Variants in APOL4 observed in about 807,000 individuals in gnomAD.
APOL4 encodes the protein apolipoprotein L4, also known as apolipoprotein L, 4.
A neutral mutation model predicts 12.1 loss-of-function variants in APOL4; 14 were observed. That is an observed-to-expected ratio of 1.16 (90% CI 0.76 to 1.81). The LOEUF (loss-of-function observed/expected upper bound fraction) is 1.81. APOL4 is among the 40% of genes most tolerant of loss of function. The probability of loss-of-function intolerance (pLI) is 0.00; values close to 1 mark genes in which losing one functional copy is unlikely to be tolerated. For missense variants in APOL4, 432 were observed against 423.1 expected (o/e 1.02, Z -0.18); for synonymous variants, 171 against 160.6 (o/e 1.06, Z -0.49).
intron 3 of APOL4, 30 bp from the exon 4 acceptor site, chr22:36,191,942 A>G: frequency 6.5e-7 from 1 of 1,527,610 alleles, no homozygotes; most frequent in Non-Finnish European, 8.8e-7. Context: ...ATGATTAAGA[A>G]AGGCAGCTTA....
At chr22:36,200,547 C>T (rs1354745691) in intron 1 of APOL4, among the ~76,000 whole-genome samples, 1 of 152,250 alleles carries the variant, frequency 6.6e-6, no homozygotes, top group Non-Finnish European at 1.5e-5. Flanking sequence ...CTGTCCTCCC[C>T]TAGCTGATGG....
chr22:36,203,127 T>C (rs2014633635), upstream of APOL4, among the ~76,000 whole-genome samples: 1 of 152,210 alleles, frequency 6.6e-6, no homozygotes, highest in African/African-American at 2.4e-5. Flanking sequence ...CTCACTCCCC[T>C]GTCTCAGCCA....
intron 3 of APOL4, 121 bp from the exon 4 acceptor site, chr22:36,192,033 T>A: frequency 1.0e-6 from 1 of 991,048 alleles, no homozygotes; most frequent in East Asian, 2.5e-5. Context: ...GAAGTAAAGT[T>A]CTAAAAGATA....
intron 2 of APOL4, 151 bp downstream of exon 2, chr22:36,199,179 G>C (rs752030916): frequency 1.2e-4 from 133 of 1,085,466 alleles, no homozygotes; most frequent in Non-Finnish European, 1.7e-4. Flanking sequence ...CCTCTCTTGG[G>C]GCTTGGGGCA....
chr22:36,204,703 C>A, upstream of APOL4: 1 of 491,144 alleles, frequency 2.0e-6, no homozygotes, highest in Non-Finnish European at 3.4e-6. Context: ...TCCAGCTGTG[C>A]ACCTATATAA....
chr22:36,201,002 G>A (rs2014555074), intron 1 of APOL4, among the ~76,000 whole-genome samples: 1 of 152,166 alleles, frequency 6.6e-6, no homozygotes, highest in Non-Finnish European at 1.5e-5. Flanking sequence ...ACAACTGAGG[G>A]TATAAGAAAG....
chr22:36,198,371 C>T (rs1290857108), intron 2 of APOL4, among the ~76,000 whole-genome samples: 1 of 152,202 alleles, frequency 6.6e-6, no homozygotes. Flanking sequence ...CATATTCACC[C>T]GATAAACACT....
intron 1 of APOL4, among the ~76,000 whole-genome samples, chr22:36,199,876 C>T (rs932496793): frequency 2.0e-5 from 3 of 151,986 alleles, no homozygotes; most frequent in East Asian, 3.9e-4. Flanking sequence ...GGCGCGATCT[C>T]GGCTCACTGC....
At chr22:36,197,913 A>G in intron 2 of APOL4, 1 of 1,452,304 alleles carries the variant, frequency 6.9e-7, no homozygotes, top group Non-Finnish European at 9.1e-7. Context: ...TTCACCCCAG[A>G]CTCAATCATA....
chr22:36,201,773 TG>T lies in APOL4; in HGVS notation c.-40del, dbSNP rs1280978475. ...TGTTGGCCTGGCTCAGACGCTGATC[TG>T]GGGCCTCTGCTGAATGTTGAGGCTG... is the stretch of plus-strand genomic sequence containing the variant. On this transcript the variant is annotated 5_prime_UTR_variant, in exon 1 of 4. Coordinates refer to ENST00000683024, the MANE Select transcript of APOL4 (RefSeq NM_001386885.1). 1 of 1,593,614 alleles carries T rather than the reference TG, an allele frequency of 6.3e-7. No individual in the cohort carries two copies. Among genetic ancestry groups the T allele is most frequent in the Non-Finnish European group, 8.5e-7 (1 of 1,169,862 alleles).
rs757616875 is a variant in APOL4, at chr22:36,191,558, G to C, written c.564C>G (p.Ile188Met). 6.2e-7 allele frequency: 1 copy of C among 1,613,784 alleles called. No individual in the cohort carries two copies. The highest frequency in any genetic ancestry group is 1.3e-5 in the African/African-American group (1 of 74,924). Residue 188 changes from isoleucine to methionine, a missense_variant, in exon 4 of 4, where the codon ATC (isoleucine) becomes ATG (methionine). Transcript: ENST00000683024. ...ASATAGIASS[I>M]VENTYTRSAE... is the part of the protein sequence containing the mutation. ...CTGACCTTGTGTATGTGTTCTCCAC[G>C]ATGCTGGAGGCGATCCCAGCCGTGG... is the stretch of plus-strand genomic sequence containing the variant.
rs1431607224 is a variant in APOL4 at position 36,191,766 on chromosome 22, G to A, written c.356C>T (p.Ser119Phe). 13 of 1,613,338 alleles carry A rather than the reference G, an allele frequency of 8.1e-6. No individual in the cohort carries two copies. The Admixed American group carries it at 2.2e-4, about 27-fold the overall frequency. ...TGCAATGACACGAAGCCTTTCTATG[G>A]ACTCCTGAATCTTCCATCTGATTTG... ...FPQIRWKIQESIERLRVIANE... is the reference protein window; with the variant it reads ...FPQIRWKIQEFIERLRVIANE... The change falls in exon 4 of 4, where the codon TCC becomes TTC. Residue 119 changes from serine (S) to phenylalanine (F), a missense_variant. Transcript: ENST00000683024.
At chr22:36,198,445 A>G (rs1417668964) in intron 2 of APOL4, among the ~76,000 whole-genome samples, 1 of 152,160 alleles carries the variant, frequency 6.6e-6, no homozygotes, top group African/African-American at 2.4e-5. Context: ...CTATTTATGA[A>G]CTCCTTCTTA....
chr22:36,197,828 G>A, intron 2 of APOL4: 1 of 1,546,984 alleles, frequency 6.5e-7, no homozygotes. Context: ...GGGCCCAGAG[G>A]ACCCTGACAA....
intron 2 of APOL4, among the ~76,000 whole-genome samples, chr22:36,197,172 G>A (rs1456417742): frequency 6.6e-6 from 1 of 152,170 alleles, no homozygotes; most frequent in East Asian, 1.9e-4. Flanking sequence ...CCCTTCCTAA[G>A]GATTCTGGGA....
intron 2 of APOL4, chr22:36,197,588 C>G: frequency 1.4e-6 from 2 of 1,477,462 alleles, no homozygotes; most frequent in Non-Finnish European, 1.8e-6. Context: ...TGTAACCCCC[C>G]ATGAAACTGC....
At chr22:36,201,875 A>G, upstream of APOL4, 1 of 1,588,406 alleles carries the variant, frequency 6.3e-7, no homozygotes, top group Non-Finnish European at 8.6e-7. Context: ...AATTCCGGGA[A>G]GTGATTTTGG....
intron 3 of APOL4, among the ~76,000 whole-genome samples, chr22:36,192,784 T>G (rs570433126): frequency 2.0e-5 from 3 of 152,262 alleles, no homozygotes; most frequent in African/African-American, 4.8e-5. Context: ...CTATTAGGTG[T>G]CTCATCTGCC....
Position 36,191,116 on chromosome 22 carries a change from T to C in APOL4, c.1006A>G (p.Asn336Asp), listed in dbSNP as rs2014230323. 8.7e-6 allele frequency: 14 copies of C among 1,609,688 alleles called. No homozygotes were observed. Among genetic ancestry groups the C allele is most frequent in the Non-Finnish European group, 1.2e-5 (14 of 1,177,706 alleles). Residue 336 changes from asparagine to aspartate, a missense_variant, in exon 4 of 4, where the codon AAT (asparagine) becomes GAT (aspartate). Asn to Asp is a conservative substitution (Grantham distance 23). Transcript: ENST00000683024. ...CTCTGATGGATATGGGTGAGCTCAT[T>C]GAGATTCTCCTCCAGCTCCTGAGCC... ...QWAQELEENLNELTHIHQSLK... is the reference protein window; with the variant it reads ...QWAQELEENLDELTHIHQSLK...
Sources: gnomAD v4.1 joint callset for allele counts (sites outside exome capture counted in the v4.1 genomes callset) on GRCh38, gnomAD v4.1.1 for gene constraint, MANE v1.5 for transcripts, NCBI Gene and HGNC (gene_info 2026-07-23, HGNC 2026-07-21) for gene names.